The following ADARB2 variants were observed in gnomAD, a reference collection of about 807,000 sequenced individuals.
ADARB2 encodes the protein inactive double-stranded RNA-specific editase B2.
In ADARB2, 25 loss-of-function variants were observed where a neutral mutation model predicts 62.2. The ratio of observed to expected loss-of-function variants is 0.40; its 90% CI spans 0.29 to 0.56. The LOEUF (loss-of-function observed/expected upper bound fraction) is 0.56, where lower values mean the gene tolerates loss of function less well. Ranked by LOEUF, ADARB2 falls within the 20% of genes least tolerant of loss-of-function variation. The pLI is 0.43. For synonymous variants in ADARB2, 572 were observed against 500.8 expected, an observed-to-expected ratio of 1.14 and a Z score of -1.90; for missense variants, 1,071 against 1,077.4, an observed-to-expected ratio of 0.99 and a Z score of 0.08.
chr10:1,242,082 C>A (rs1166224443), intron 5 of ADARB2, 49 bp downstream of exon 5: 2 of 1,532,102 alleles, frequency 1.3e-6, no homozygotes, highest in Non-Finnish European at 1.8e-6. Flanking sequence ...CCCTGGCAGC[C>A]CCCAGCCGCG....
At chr10:1,350,407 G>C (rs779750516) in intron 3 of ADARB2, among the ~76,000 whole-genome samples, 5 of 151,946 alleles carry the variant, frequency 3.3e-5, no homozygotes, top group African/African-American at 4.8e-5. Flanking sequence ...TCGCCAGACC[G>C]AGCTAGGTCC....
chr10:1,266,636 A>G (rs1831207142), intron 4 of ADARB2, among the ~76,000 whole-genome samples: 1 of 152,186 alleles, frequency 6.6e-6, no homozygotes, highest in Non-Finnish European at 1.5e-5. Context: ...CGCAGAAGAC[A>G]CCAGGCCAAC....
At chr10:1,412,946 G>A (rs1235751729) in intron 1 of ADARB2, among the ~76,000 whole-genome samples, 2 of 151,754 alleles carry the variant, frequency 1.3e-5, no homozygotes, top group East Asian at 1.9e-4. Context: ...GTCCCCAGCC[G>A]CCCACCCTAA....
intron 1 of ADARB2, among the ~76,000 whole-genome samples, chr10:1,457,089 T>G (rs1286657075): frequency 6.6e-6 from 1 of 152,206 alleles, no homozygotes; most frequent in Non-Finnish European, 1.5e-5. Context: ...TGGAAAGAGA[T>G]GACATGGCAC....
At chr10:1,327,265 T>G (rs796787596) in intron 3 of ADARB2, among the ~76,000 whole-genome samples, 88 of 56,472 alleles carry the variant, frequency 1.6e-3, no homozygotes, top group Admixed American at 2.2e-3. Context: ...CAGCGCCTCC[T>G]CACTGCACAG....
chr10:1,459,261 C>T (rs894111869), intron 1 of ADARB2, among the ~76,000 whole-genome samples: 2 of 152,220 alleles, frequency 1.3e-5, no homozygotes, highest in African/African-American at 4.8e-5. Flanking sequence ...AATAGCAAGA[C>T]ATGGAATCAA....
At chr10:1,496,692 T>G (rs1354385884) in intron 1 of ADARB2, among the ~76,000 whole-genome samples, 1 of 152,108 alleles carries the variant, frequency 6.6e-6, no homozygotes. Flanking sequence ...ATTATCAACT[T>G]AATTATCATC....
At chr10:1,600,594 G>A (rs755877526) in intron 1 of ADARB2, among the ~76,000 whole-genome samples, 8 of 148,382 alleles carry the variant, frequency 5.4e-5, no homozygotes, top group Admixed American at 2.7e-4. Context: ...CTCAGGAGGC[G>A]GAGGCTGCAA....
At chr10:1,691,202 A>T (rs1450983365) in intron 1 of ADARB2, among the ~76,000 whole-genome samples, 4 of 152,148 alleles carry the variant, frequency 2.6e-5, no homozygotes, top group Non-Finnish European at 4.4e-5. Flanking sequence ...GGGCACAGAC[A>T]TGCACAGAGG....
At chr10:1,301,259 AAAAAT>A (rs1422918248) in intron 3 of ADARB2, among the ~76,000 whole-genome samples, 2 of 152,212 alleles carry the variant, frequency 1.3e-5, no homozygotes, top group African/African-American at 4.8e-5. Flanking sequence ...TAATTCCGTT[AAAAAT>A]AAAATACAGA....
intron 1 of ADARB2, among the ~76,000 whole-genome samples, chr10:1,632,770 T>C (rs1833859312): frequency 6.6e-6 from 1 of 152,232 alleles, no homozygotes; most frequent in Non-Finnish European, 1.5e-5. Flanking sequence ...CACTCCCATC[T>C]GCACACTCGT....
rs562067974 is a variant in ADARB2 at position 1,506,556 on chromosome 10, C to T, written c.101-127396G>A. ...AAGAAAACTGTAGTAATGCTAAGAACGGTAGCTCTATTTACTGAGGACCAT... is the reference window on the plus strand; with the variant it reads ...AAGAAAACTGTAGTAATGCTAAGAATGGTAGCTCTATTTACTGAGGACCAT... On this transcript the variant is annotated intron_variant, in intron 1 of 9. Coordinates refer to ENST00000381312, the MANE Select transcript of ADARB2 (RefSeq NM_018702.4). Among the ~76,000 whole-genome samples the T allele has an allele frequency of 4.1e-4, 63 of 152,334 alleles. 1 individual carries two copies. The South Asian group carries it at 7.0e-3, about 17-fold the overall frequency.
chr10:1,719,415 G>C (rs7922223), intron 1 of ADARB2, among the ~76,000 whole-genome samples: 50,475 of 152,102 alleles, frequency 0.33, 8,658 homozygotes, highest in African/African-American at 0.4. Context: ...AAAAAACAAT[G>C]CCTTCTAAAT....
intron 1 of ADARB2, among the ~76,000 whole-genome samples, chr10:1,395,593 C>T (rs942327333): frequency 1.1e-4 from 16 of 152,212 alleles, no homozygotes; most frequent in Non-Finnish European, 1.5e-5. Flanking sequence ...GCCTCCTCGG[C>T]GCCTCCAGGT....
intron 1 of ADARB2, among the ~76,000 whole-genome samples, chr10:1,498,515 T>C (rs1025817839): frequency 3.3e-5 from 5 of 152,112 alleles, no homozygotes; most frequent in African/African-American, 1.2e-4. Flanking sequence ...CTGATACATT[T>C]ATAAACAAGA....
chr10:1,641,607 G>A (rs1028740320), intron 1 of ADARB2, among the ~76,000 whole-genome samples: 1 of 152,228 alleles, frequency 6.6e-6, no homozygotes, highest in Admixed American at 6.5e-5. Flanking sequence ...CTGCGAGAGT[G>A]TGGCTGGGAG....
rs376967105 is a variant in ADARB2 at position 1,566,063 on chromosome 10, CAAAAAAA to C, written c.100+170981_100+170987del. Among the ~76,000 whole-genome samples the C allele has an allele frequency of 4.8e-3, 615 of 128,014 alleles. 15 individuals carry two copies. Among genetic ancestry groups the C allele is most frequent in the African/African-American group, 6.1e-3 (204 of 33,432 alleles). The allele number at this position is 128,014 out of a possible 152,430, so 84.0% of individuals were successfully genotyped here. On this transcript the variant is annotated intron_variant, in intron 1 of 9. Coordinates refer to ENST00000381312, the MANE Select transcript of ADARB2 (RefSeq NM_018702.4). ...CTCCTCTAGGTTGAGCTCAGTCTAG[CAAAAAAA>C]AAAAAAAAAAAAAAAAAAAAAAAAA...
At position 1,363,472 on chromosome 10, in the gene ADARB2, G is replaced by A. The variant is rs1252338969; in HGVS notation, c.633C>T (p.Asp211=). The change falls in exon 3 of 10, where the codon GAC becomes GAT. Residue 211 remains aspartate (D), a synonymous_variant. Transcript: ENST00000381312. ...AMGGGPGPGT[D]FTSDQADFPD... The stretch of plus-strand genomic sequence containing the variant: ...GGAAATCGGCCTGGTCGGAGGTGAA[G>A]TCCGTGCCGGGGCCCGGGCCCCCGC... 6.7e-7 allele frequency: 1 copy of A among 1,483,648 alleles called. No homozygotes were observed. The highest frequency in any genetic ancestry group is 2.6e-5 in the East Asian group (1 of 37,840). 91.9% of individuals were successfully genotyped at this position (1,483,648 alleles called of 1,614,324 possible). A position where few individuals can be genotyped will look rare whatever the true frequency, so the allele number is the denominator to read the frequency against.
intron 1 of ADARB2, among the ~76,000 whole-genome samples, chr10:1,504,068 C>A (rs1317112226): frequency 6.6e-6 from 1 of 152,218 alleles, no homozygotes; most frequent in African/African-American, 2.4e-5. Context: ...CAATCCTTCA[C>A]TCTGCCAGTA....
Sources: gnomAD v4.1 joint callset for allele counts (sites outside exome capture counted in the v4.1 genomes callset) on GRCh38, gnomAD v4.1.1 for gene constraint, MANE v1.5 for transcripts, NCBI Gene and HGNC (gene_info 2026-07-23, HGNC 2026-07-21) for gene names.